Variants in TM7SF3 observed in about 807,000 individuals in gnomAD.
TM7SF3 encodes seven span transmembrane protein.
In TM7SF3, 60 loss-of-function variants were observed where a neutral mutation model predicts 65.5. The observed-to-expected ratio is 0.92, with a 90% CI of 0.74 to 1.14. The LOEUF (loss-of-function observed/expected upper bound fraction) is 1.14, where lower values mean the gene tolerates loss of function less well. TM7SF3 is among the 50% of genes most tolerant of loss of function. The probability of loss-of-function intolerance (pLI) is 0.00; values close to 1 mark genes in which losing one functional copy is unlikely to be tolerated. For synonymous variants in TM7SF3, 264 were observed against 259.6 expected (o/e 1.02, Z -0.16); for missense variants, 623 against 684.8 (o/e 0.91, Z 1.01).
chr12:26,992,079 C>T (rs2136415425), intron 5 of TM7SF3, among the ~76,000 whole-genome samples: 1 of 152,164 alleles, frequency 6.6e-6, no homozygotes, highest in African/African-American at 2.4e-5. Flanking sequence ...TTACTCAGTA[C>T]AGATGTAAGT....
At chr12:27,007,136 G>C (rs1037732579) in intron 1 of TM7SF3, among the ~76,000 whole-genome samples, 1 of 152,182 alleles carries the variant, frequency 6.6e-6, no homozygotes, top group African/African-American at 2.4e-5. Context: ...TTAATCTGCA[G>C]TCTTTGCTTC....
At chr12:26,996,999 AT>A in intron 3 of TM7SF3, 137 bp from the exon 4 acceptor site, 1 of 986,650 alleles carries the variant, frequency 1.0e-6, no homozygotes, top group South Asian at 1.8e-5. Context: ...TTCTAGTCGT[AT>A]ACTATTTCAT....
Position 26,973,928 on chromosome 12 carries a change from T to G in TM7SF3, c.*37A>C. ...CTGTTGAACCACTCCAGGCATGAACTCCAAAGCTGAGGCACACTGACCAAG... is the reference window on the plus strand; with the variant it reads ...CTGTTGAACCACTCCAGGCATGAACGCCAAAGCTGAGGCACACTGACCAAG... On this transcript the variant is annotated 3_prime_UTR_variant, in exon 12 of 12. Coordinates refer to ENST00000343028, the MANE Select transcript of TM7SF3 (RefSeq NM_016551.3). The G allele has an allele frequency of 6.2e-7, 1 of 1,604,694 alleles. No homozygotes were observed. The highest frequency in any genetic ancestry group is 8.5e-7 in the Non-Finnish European group (1 of 1,176,760).
At position 27,005,810 on chromosome 12, in the gene TM7SF3, T is replaced by G. The variant is rs189075414; in HGVS notation, c.92-2420A>C. 1.2e-3 allele frequency among the ~76,000 whole-genome samples: 177 copies of G among 152,290 alleles called. 1 individual carries two copies. The highest frequency in any genetic ancestry group is 1.4e-3 in the Non-Finnish European group (97 of 68,014). ...TTGGAGTATATTTTAACTGATTTTT[T>G]TTTTTTTTTGAGATGGAGTCTCACT... On this transcript the variant is annotated intron_variant, in intron 1 of 11. Coordinates refer to ENST00000343028, the MANE Select transcript of TM7SF3 (RefSeq NM_016551.3).
In TM7SF3 at chr12:26,972,296, G is replaced by C. The variant is rs1939393439; in HGVS notation, c.*1669C>G. The C allele has an allele frequency of 6.6e-6, 1 of 152,116 alleles. No individual in the cohort carries two copies. Among genetic ancestry groups the C allele is most frequent in the African/African-American group, 2.4e-5 (1 of 41,428 alleles). The allele number at this position is 152,116 out of a possible 1,614,324, so 9.4% of individuals were successfully genotyped here. A position where few individuals can be genotyped will look rare whatever the true frequency, so the allele number is the denominator to read the frequency against. ...ATCACTTTAAGGATGAAGCCTTTCT[G>C]TACAAAGGCTTTGTACAGAAATTAT... is the stretch of plus-strand genomic sequence containing the variant. On this transcript the variant is annotated 3_prime_UTR_variant, in exon 12 of 12. Transcript: ENST00000343028.
At chr12:27,014,034 C>A in intron 1 of TM7SF3, 44 bp downstream of exon 1, 1 of 1,521,368 alleles carries the variant, frequency 6.6e-7, no homozygotes, top group Non-Finnish European at 8.9e-7. Flanking sequence ...GCAAGAAATG[C>A]AAAAGCAACT....
intron 1 of TM7SF3, among the ~76,000 whole-genome samples, chr12:27,012,397 G>A (rs1473606154): frequency 1.3e-5 from 2 of 151,956 alleles, no homozygotes; most frequent in Non-Finnish European, 2.9e-5. Flanking sequence ...TTTCAGCTTT[G>A]GCCTCAGTCC....
chr12:26,982,761 T>G lies in TM7SF3; in HGVS notation c.955+12A>C. ...TGCAAAATGGAAATAGCAACTACAT[T>G]GGACATAATACCTGTTTTCCAGAAT... On this transcript the variant is annotated intron_variant, in intron 7 of 11. Transcript: ENST00000343028. 6.3e-7 allele frequency: 1 copy of G among 1,592,412 alleles called. No individual in the cohort carries two copies. The highest frequency in any genetic ancestry group is 8.6e-7 in the Non-Finnish European group (1 of 1,168,794).
chr12:27,004,280 A>G (rs1043647875), intron 1 of TM7SF3, among the ~76,000 whole-genome samples: 1 of 151,206 alleles, frequency 6.6e-6, no homozygotes, highest in East Asian at 1.9e-4. Flanking sequence ...TTCCTACCCC[A>G]CCCCCCATCC....
chr12:26,986,004 T>TGTA (rs1940077851), intron 6 of TM7SF3, among the ~76,000 whole-genome samples: 1 of 150,316 alleles, frequency 6.7e-6, no homozygotes, highest in African/African-American at 2.4e-5. Flanking sequence ...TATTGTTTTT[T>TGTA]TTTTTAGTAG....
intron 2 of TM7SF3, among the ~76,000 whole-genome samples, chr12:27,001,625 CCT>C (rs1282573084): frequency 6.6e-6 from 1 of 152,174 alleles, no homozygotes; most frequent in East Asian, 1.9e-4. Flanking sequence ...TTTCACCCAT[CCT>C]CTCTCTTTTC....
intron 9 of TM7SF3, 151 bp from the exon 10 acceptor site, chr12:26,976,508 AT>A (rs1049248612): frequency 5.9e-5 from 37 of 624,584 alleles, no homozygotes; most frequent in African/African-American, 5.9e-4. Flanking sequence ...AATTTTCTTC[AT>A]TTAACTGTCA....
In TM7SF3 at chr12:26,973,922, A is replaced by G. The variant is rs778451774; in HGVS notation, c.*43T>C. On this transcript the variant is annotated 3_prime_UTR_variant, in exon 12 of 12. Transcript: ENST00000343028. ...CAGAGACTGTTGAACCACTCCAGGCATGAACTCCAAAGCTGAGGCACACTG... is the reference window on the plus strand; with the variant it reads ...CAGAGACTGTTGAACCACTCCAGGCGTGAACTCCAAAGCTGAGGCACACTG... 3 of 1,600,202 alleles carry G rather than the reference A, an allele frequency of 1.9e-6. No individual in the cohort carries two copies. The Admixed American group carries it at 5.1e-5, about 27-fold the overall frequency.
At chr12:26,981,268 G>C (rs1218885561) in intron 7 of TM7SF3, among the ~76,000 whole-genome samples, 2 of 152,154 alleles carry the variant, frequency 1.3e-5, no homozygotes, top group East Asian at 1.9e-4. Context: ...CTTCACAGCT[G>C]TTCTTGGTAA....
intron 6 of TM7SF3, among the ~76,000 whole-genome samples, chr12:26,984,984 C>A (rs1281213740): frequency 6.6e-6 from 1 of 152,152 alleles, no homozygotes; most frequent in Non-Finnish European, 1.5e-5. Context: ...AGGAAAAGCA[C>A]TCTAATACTC....
chr12:27,001,018 A>C (rs1297703585), intron 2 of TM7SF3, among the ~76,000 whole-genome samples: 1 of 152,106 alleles, frequency 6.6e-6, no homozygotes, highest in Non-Finnish European at 1.5e-5. Context: ...GAGTAGTTTC[A>C]ATTTGATAAG....
chr12:26,980,876 G>A (rs1208062463), intron 7 of TM7SF3, among the ~76,000 whole-genome samples: 1 of 152,108 alleles, frequency 6.6e-6, no homozygotes, highest in Non-Finnish European at 1.5e-5. Flanking sequence ...ACCAACTACA[G>A]GATACACTTT....
chr12:27,003,563 C>A (rs1940918467), intron 1 of TM7SF3, among the ~76,000 whole-genome samples, 173 bp from the exon 2 acceptor site: 1 of 152,190 alleles, frequency 6.6e-6, no homozygotes, highest in South Asian at 2.1e-4. Context: ...TGATGCAGCC[C>A]ATCCAGGGTC....
rs1592278293 is a variant in TM7SF3, at chr12:26,983,383, G to A, written c.869-524C>T. The A allele has an allele frequency of 1.4e-5, 5 of 345,198 alleles. No individual in the cohort carries two copies. The East Asian group carries it at 2.9e-4, about 20-fold the overall frequency. 21.4% of individuals were successfully genotyped at this position (345,198 alleles called of 1,614,324 possible). A position where few individuals can be genotyped will look rare whatever the true frequency, so the allele number is the denominator to read the frequency against. ...GAGATGACTCCAGAAGCAAACTCTG[G>A]CTGTTAATTTGATGCTATTAAAGAA... is the stretch of plus-strand genomic sequence containing the variant. On this transcript the variant is annotated intron_variant, in intron 6 of 11. Coordinates refer to ENST00000343028, the MANE Select transcript of TM7SF3 (RefSeq NM_016551.3).
Sources: allele counts gnomAD v4.1 joint callset (sites outside exome capture counted in the v4.1 genomes callset), GRCh38; gene constraint gnomAD v4.1.1; transcripts MANE v1.5; gene names NCBI Gene and HGNC (gene_info 2026-07-23, HGNC 2026-07-21).